ASTN2: variants seen among roughly 807,000 people sequenced by gnomAD.
ASTN2 encodes astrotactin 2.
Under a neutral mutation model 139.8 loss-of-function variants are expected in ASTN2, and 54 were observed. The ratio of observed to expected loss-of-function variants is 0.39; its 90% CI spans 0.31 to 0.48. The LOEUF (loss-of-function observed/expected upper bound fraction) is 0.48, where lower values mean the gene tolerates loss of function less well. Among genes scored for constraint, ASTN2 ranks in the 20% least tolerant of loss-of-function variants. The pLI is 0.95. For synonymous variants in ASTN2, 756 were observed against 719.5 expected, an observed-to-expected ratio of 1.05 and a Z score of -0.81; for missense variants, 1,565 against 1,725.1, an observed-to-expected ratio of 0.91 and a Z score of 1.64.
At chr9:116,457,400 G>A (rs1848364876) in intron 20 of ASTN2, among the ~76,000 whole-genome samples, 1 of 152,038 alleles carries the variant, frequency 6.6e-6, no homozygotes, top group Non-Finnish European at 1.5e-5. Context: ...CAATCAATAA[G>A]GTGAAAGACA....
At chr9:116,863,083 CT>C (rs1174513020) in intron 11 of ASTN2, among the ~76,000 whole-genome samples, 3 of 152,120 alleles carry the variant, frequency 2.0e-5, no homozygotes, top group Non-Finnish European at 4.4e-5. Context: ...TGTCTCCGCT[CT>C]TTCCCTAATG....
At chr9:116,561,465 G>A (rs1234924170) in intron 19 of ASTN2, among the ~76,000 whole-genome samples, 1 of 152,108 alleles carries the variant, frequency 6.6e-6, no homozygotes, top group African/African-American at 2.4e-5. Context: ...AGTTTGGCTG[G>A]ATCATCAGGT....
rs531039576 is a variant in ASTN2 at position 117,047,761 on chromosome 9, CAT to C, written c.1277-7798_1277-7797del. ...TAACTTTATTTTGTTTCTCTAAAGT[CAT>C]ATTTTGAGTCCTTTTATTGTACTTT... is the stretch of plus-strand genomic sequence containing the variant. On this transcript the variant is annotated intron_variant, in intron 5 of 22. Coordinates refer to ENST00000313400, the MANE Select transcript of ASTN2 (RefSeq NM_001365068.1). Among the ~76,000 whole-genome samples, 536 of 152,088 alleles carry C rather than the reference CAT, an allele frequency of 3.5e-3. 4 individuals are homozygous for C. The highest frequency in any genetic ancestry group is 0.01 in the Admixed American group (154 of 15,284).
intron 4 of ASTN2, among the ~76,000 whole-genome samples, chr9:117,122,506 G>T (rs1829582590): frequency 6.6e-6 from 1 of 152,152 alleles, no homozygotes; most frequent in South Asian, 2.1e-4. Flanking sequence ...TCTGTATATG[G>T]ATACAAGGAT....
intron 1 of ASTN2, among the ~76,000 whole-genome samples, chr9:117,408,286 T>G (rs1436199587): frequency 6.6e-6 from 1 of 152,132 alleles, no homozygotes; most frequent in East Asian, 1.9e-4. Flanking sequence ...CAGTGTGGGC[T>G]TCAAGACAAT....
chr9:117,056,051 C>T (rs1202749362), intron 5 of ASTN2, among the ~76,000 whole-genome samples: 1 of 152,140 alleles, frequency 6.6e-6, no homozygotes, highest in African/African-American at 2.4e-5. Context: ...TCTCAAGGAA[C>T]AAAATCCTGA....
intron 1 of ASTN2, among the ~76,000 whole-genome samples, chr9:117,293,521 C>T (rs967671582): frequency 2.6e-5 from 4 of 152,252 alleles, no homozygotes; most frequent in East Asian, 1.9e-4. Flanking sequence ...GAGATAATCA[C>T]GAAGGTTTGT....
At chr9:116,761,586 A>C (rs554746119) in intron 13 of ASTN2, among the ~76,000 whole-genome samples, 326 of 152,264 alleles carry the variant, frequency 2.1e-3, no homozygotes, top group African/African-American at 7.6e-3. Context: ...GTACAAAGTC[A>C]AGTAGGCATG....
At chr9:116,995,703 C>G (rs953553297) in intron 7 of ASTN2, among the ~76,000 whole-genome samples, 9 of 152,148 alleles carry the variant, frequency 5.9e-5, no homozygotes, top group African/African-American at 2.2e-4. Flanking sequence ...ATCTAGACAC[C>G]ATCACTTCCT....
intron 6 of ASTN2, among the ~76,000 whole-genome samples, chr9:117,024,902 A>G (rs1464979480): frequency 6.7e-6 from 1 of 149,800 alleles, no homozygotes; most frequent in Non-Finnish European, 1.5e-5. Context: ...ATGGTAGTGA[A>G]TAAGTCTCAT....
chr9:116,733,085 T>C (rs544562465), intron 14 of ASTN2, among the ~76,000 whole-genome samples: 1 of 152,268 alleles, frequency 6.6e-6, no homozygotes, highest in East Asian at 1.9e-4. Context: ...AAATTGTCAA[T>C]GAGAATGAAA....
chr9:116,567,032 T>A (rs1853269889), intron 19 of ASTN2, among the ~76,000 whole-genome samples: 2 of 152,196 alleles, frequency 1.3e-5, no homozygotes, highest in Non-Finnish European at 2.9e-5. Flanking sequence ...TAACACACTA[T>A]CCTCAATGTA....
At chr9:116,523,510 T>C (rs2119248995) in intron 19 of ASTN2, among the ~76,000 whole-genome samples, 1 of 152,290 alleles carries the variant, frequency 6.6e-6, no homozygotes, top group East Asian at 1.9e-4. Context: ...TCTCTGAGCT[T>C]CCACTTCCTC....
chr9:117,077,340 C>T (rs996997866), intron 5 of ASTN2, among the ~76,000 whole-genome samples: 14 of 152,190 alleles, frequency 9.2e-5, no homozygotes, highest in Admixed American at 8.5e-4. Context: ...TTTTAGGGTT[C>T]TTATCTGTGA....
chr9:117,163,433 T>C (rs912737873), intron 3 of ASTN2, among the ~76,000 whole-genome samples: 2 of 152,098 alleles, frequency 1.3e-5, no homozygotes, highest in African/African-American at 2.4e-5. Context: ...TAAAGGGTGA[T>C]AGGAAATAAG....
intron 1 of ASTN2, among the ~76,000 whole-genome samples, chr9:117,396,488 A>G (rs539991409): frequency 6.6e-6 from 1 of 152,256 alleles, no homozygotes; most frequent in East Asian, 1.9e-4. Flanking sequence ...ACAAAACTTA[A>G]AGAAATAGTT....
intron 2 of ASTN2, among the ~76,000 whole-genome samples, chr9:117,230,122 A>G (rs1391813158): frequency 1.3e-5 from 2 of 151,940 alleles, no homozygotes; most frequent in Admixed American, 1.3e-4. Flanking sequence ...ATCTTAAAAA[A>G]AAAAAAAAGC....
At chr9:116,643,304 A>G (rs1857429084) in intron 17 of ASTN2, among the ~76,000 whole-genome samples, 1 of 152,190 alleles carries the variant, frequency 6.6e-6, no homozygotes, top group South Asian at 2.1e-4. Context: ...TGCTTAGTCT[A>G]GACCGGGGTT....
intron 4 of ASTN2, among the ~76,000 whole-genome samples, chr9:117,117,130 G>A (rs1246135838): frequency 6.6e-6 from 1 of 152,036 alleles, no homozygotes; most frequent in East Asian, 1.9e-4. Context: ...TCAGGCAAGT[G>A]AAAAACAGAG....
Sources: allele counts gnomAD v4.1 joint callset (sites outside exome capture counted in the v4.1 genomes callset), GRCh38; gene constraint gnomAD v4.1.1; transcripts MANE v1.5; gene names NCBI Gene and HGNC (gene_info 2026-07-23, HGNC 2026-07-21).